ADGRA2: variants seen among roughly 807,000 people sequenced by gnomAD.
ADGRA2 encodes the protein G-protein coupled receptor 124.
ADGRA2 carries 61 observed loss-of-function variants against 98.7 expected under a neutral mutation model. The observed-to-expected ratio is 0.62, with a 90% confidence interval of 0.50 to 0.76. ADGRA2 has a LOEUF of 0.76. Among genes scored for constraint, ADGRA2 ranks in the 30% least tolerant of loss-of-function variants. The pLI, the probability that ADGRA2 is intolerant of heterozygous loss-of-function variation, is 0.00. For synonymous variants in ADGRA2, 858 were observed against 831.5 expected, an observed-to-expected ratio of 1.03 and a Z score of -0.55; for missense variants, 1,712 against 1,860.0, an observed-to-expected ratio of 0.92 and a Z score of 1.46.
chr8:37,825,386 G>T (rs1168321231), intron 2 of ADGRA2, among the ~76,000 whole-genome samples: 1 of 151,892 alleles, frequency 6.6e-6, no homozygotes, highest in Non-Finnish European at 1.5e-5. Context: ...TGGAATTACA[G>T]GCGCCCACCC....
chr8:37,811,473 AC>A (rs1804830781), intron 1 of ADGRA2, among the ~76,000 whole-genome samples: 1 of 122,948 alleles, frequency 8.1e-6, no homozygotes, highest in African/African-American at 3.4e-5. Context: ...CACCCAGCCA[AC>A]TTTTTTTTTT....
rs1371938469 is a variant in ADGRA2, at chr8:37,797,942, C to T, written c.266+408C>T. 6.6e-6 allele frequency among the ~76,000 whole-genome samples: 1 copy of T among 152,226 alleles called. No individual in the cohort carries two copies. The highest frequency in any genetic ancestry group is 1.5e-5 in the Non-Finnish European group (1 of 68,046). ...CGTGGCCCAGGAGGGGGCTGTGGTC[C>T]TAACCACTACGGTCGCGTCCCGGAC... On this transcript the variant is annotated intron_variant, in intron 1 of 18. Coordinates refer to ENST00000412232, the MANE Select transcript of ADGRA2 (RefSeq NM_032777.10). The surrounding 1 kb of genome is among the most constrained non-coding windows in gnomAD (Gnocchi z 5.3).
At chr8:37,808,405 T>C (rs1015136964) in intron 1 of ADGRA2, among the ~76,000 whole-genome samples, 2 of 152,074 alleles carry the variant, frequency 1.3e-5, no homozygotes, top group Non-Finnish European at 2.9e-5. Flanking sequence ...TTGTGGGGGT[T>C]GAAGAGGGCC....
At chr8:37,817,342 TA>T (rs1438033379) in intron 2 of ADGRA2, among the ~76,000 whole-genome samples, 1 of 152,212 alleles carries the variant, frequency 6.6e-6, no homozygotes, top group Non-Finnish European at 1.5e-5. Context: ...TAGGTCCCTC[TA>T]ACCGTCTGCT....
At chr8:37,806,770 T>G (rs957243862) in intron 1 of ADGRA2, among the ~76,000 whole-genome samples, 2 of 152,056 alleles carry the variant, frequency 1.3e-5, no homozygotes, top group Non-Finnish European at 2.9e-5. Context: ...CCTCAAGTGA[T>G]CCATCCACCT....
chr8:37,837,400 C>T (rs1437720707), intron 13 of ADGRA2, among the ~76,000 whole-genome samples: 2 of 151,590 alleles, frequency 1.3e-5, no homozygotes, highest in Non-Finnish European at 2.9e-5. Context: ...CTTCTGTTCC[C>T]TCCATCTGCA....
In ADGRA2 at chr8:37,841,312, C is replaced by T; in HGVS notation, c.2974C>T (p.Leu992Phe). 2 of 1,608,094 alleles carry T rather than the reference C, an allele frequency of 1.2e-6. No homozygotes were observed. Among genetic ancestry groups the T allele is most frequent in the Non-Finnish European group, 1.7e-6 (2 of 1,177,298 alleles). The change falls in exon 19 of 19, where the codon CTT becomes TTT. Residue 992 changes from leucine to phenylalanine, a missense_variant. Coordinates refer to ENST00000412232, the MANE Select transcript of ADGRA2 (RefSeq NM_032777.10). The surrounding 1 kb of genome is among the most constrained non-coding windows in gnomAD (Gnocchi z 5.0). ...SGPLLSDSGS[L>F]LATGSARVGT... ...CCCCCTCCTGAGTGACTCAGGTTCC[C>T]TTCTTGCTACTGGGAGCGCGCGAGT... is the stretch of plus-strand genomic sequence containing the variant.
In ADGRA2 at chr8:37,831,487, G is replaced by A; in HGVS notation, c.997G>A (p.Ala333Thr). ...CGAGTGGGAGTGCACCGTGTCCATG[G>A]CCCAAGGCAACGCCAGCAAGAAGGT... ...SGEWECTVSM[A>T]QGNASKKVEI... The change falls in exon 8 of 19, where the codon GCC (alanine) becomes ACC (threonine). Residue 333 changes from alanine (A) to threonine (T), a missense_variant. Physicochemically the swap from Ala to Thr is moderately conservative, Grantham distance 58. Transcript: ENST00000412232. 6.2e-7 allele frequency: 1 copy of A among 1,613,702 alleles called. No homozygotes were observed. Among genetic ancestry groups the A allele is most frequent in the Non-Finnish European group, 8.5e-7 (1 of 1,180,016 alleles).
In ADGRA2 at chr8:37,834,066, G is replaced by A. The variant is rs758837731; in HGVS notation, c.1546G>A (p.Val516Met). 1.6e-5 allele frequency: 25 copies of A among 1,612,822 alleles called. No individual in the cohort carries two copies. The highest frequency in any genetic ancestry group is 9.3e-5 in the African/African-American group (7 of 74,946). ...QREDKACSRI[V>M]GALERIGGAA... ...CGAGGACAAGGCCTGCAGCCGCATCGTGGGTGCCCTGGAGCGCATTGGGGG... is the reference window on the plus strand; with the variant it reads ...CGAGGACAAGGCCTGCAGCCGCATCATGGGTGCCCTGGAGCGCATTGGGGG... Residue 516 changes from valine (V) to methionine (M), a missense_variant, in exon 11 of 19, where the codon GTG becomes ATG. Physicochemically the swap from Val to Met is conservative, Grantham distance 21. Coordinates refer to ENST00000412232, the MANE Select transcript of ADGRA2 (RefSeq NM_032777.10). The surrounding 1 kb of genome is among the most constrained non-coding windows in gnomAD (Gnocchi z 4.2).
rs1379802397 is a variant in ADGRA2 at position 37,841,486 on chromosome 8, T to C, written c.3148T>C (p.Cys1050Arg). 1.2e-6 allele frequency: 2 copies of C among 1,612,956 alleles called. No homozygotes were observed. Among genetic ancestry groups the C allele is most frequent in the Non-Finnish European group, 1.7e-6 (2 of 1,179,838 alleles). The change falls in exon 19 of 19, where the codon TGC (cysteine) becomes CGC (arginine). Residue 1050 changes from cysteine to arginine, a missense_variant. Transcript: ENST00000412232. This position sits in a 1 kb window ranked among gnomAD's most constrained non-coding sequence, Gnocchi z 5.0. ...VSQRWLPRVV[C>R]SCLYGVAASA... ...CCAGCGCTGGCTGCCCCGGGTGGTG[T>C]GCAGCTGCTTGTACGGGGTGGCAGC...
intron 1 of ADGRA2, among the ~76,000 whole-genome samples, chr8:37,810,282 G>A (rs758811059): frequency 1.6e-4 from 24 of 151,670 alleles, no homozygotes; most frequent in Admixed American, 1.1e-3. Flanking sequence ...AAGATGAGGC[G>A]GGCGGATCAT....
chr8:37,840,048 C>T (rs1316623479), intron 16 of ADGRA2, 73 bp from the exon 17 acceptor site: 12 of 1,380,848 alleles, frequency 8.7e-6, no homozygotes, highest in Non-Finnish European at 1.2e-5. Context: ...GGGAGGACAC[C>T]AGCAGGACTG....
chr8:37,833,664 C>T lies in ADGRA2; in HGVS notation c.1297-24C>T, dbSNP rs200176558. ...GGGCAGAAGGAACAGGCGAGATGAT[C>T]CTCTCTCTTCCCCCAATCCCCAGAT... On this transcript the variant is annotated intron_variant, in intron 9 of 18. Coordinates refer to ENST00000412232, the MANE Select transcript of ADGRA2 (RefSeq NM_032777.10). 4 of 1,611,798 alleles carry T rather than the reference C, an allele frequency of 2.5e-6. No homozygotes were observed. The African/African-American group carries it at 5.3e-5, about 22-fold the overall frequency.
At chr8:37,811,130 A>T (rs1311918076) in intron 1 of ADGRA2, among the ~76,000 whole-genome samples, 1 of 148,030 alleles carries the variant, frequency 6.8e-6, no homozygotes, top group Non-Finnish European at 1.5e-5. Flanking sequence ...AAAAAAAAAA[A>T]AAAAAAAAAA....
Position 37,830,860 on chromosome 8 carries a change from G to GTGA in ADGRA2, c.873_875dup (p.Asp291dup). ...TACCACAACCGAGCCCCTGTGGAGG[G>GTGA]TGATGAGCAGGCGGGCATCCTCCTG... On this transcript the variant is annotated inframe_insertion, in exon 7 of 19. Transcript: ENST00000412232. This position sits in a 1 kb window ranked among gnomAD's most constrained non-coding sequence, Gnocchi z 4.8. 1 of 1,594,986 alleles carries GTGA rather than the reference G, an allele frequency of 6.3e-7. No individual in the cohort carries two copies. Among genetic ancestry groups the GTGA allele is most frequent in the Non-Finnish European group, 8.5e-7 (1 of 1,170,922 alleles).
intron 1 of ADGRA2, among the ~76,000 whole-genome samples, chr8:37,809,083 A>C (rs1452061732): frequency 6.6e-6 from 1 of 152,098 alleles, no homozygotes; most frequent in Non-Finnish European, 1.5e-5. Context: ...TTGGCCTCCC[A>C]AAAAGCTGGG....
At chr8:37,838,399 G>A (rs534028366) in intron 14 of ADGRA2, among the ~76,000 whole-genome samples, 179 of 152,122 alleles carry the variant, frequency 1.2e-3, no homozygotes, top group African/African-American at 4.2e-3. Context: ...TTACAGGCGT[G>A]TGCCACCATG....
Position 37,814,904 on chromosome 8 carries a change from G to C in ADGRA2, c.275G>C (p.Ser92Thr). The change falls in exon 2 of 19, where the codon AGC (serine) becomes ACC (threonine). Residue 92 changes from serine to threonine, a missense_variant. By Grantham distance (58) the Ser-to-Thr change is moderately conservative. Transcript: ENST00000412232. This position sits in a 1 kb window ranked among gnomAD's most constrained non-coding sequence, Gnocchi z 4.3. Reference protein sequence around the residue: ...LPNGTVTLLLSNNKITGLRNG... With the variant: ...LPNGTVTLLLTNNKITGLRNG... ...CCTCTCTGTCTCTTCAGGCTCTTGAGCAATAACAAGATCACGGGGCTCCGC... is the reference window on the plus strand; with the variant it reads ...CCTCTCTGTCTCTTCAGGCTCTTGACCAATAACAAGATCACGGGGCTCCGC... 2 of 1,611,564 alleles carry C rather than the reference G, an allele frequency of 1.2e-6. No homozygotes were observed. The highest frequency in any genetic ancestry group is 1.7e-6 in the Non-Finnish European group (2 of 1,177,634).
At chr8:37,822,359 C>T (rs868236758) in intron 2 of ADGRA2, among the ~76,000 whole-genome samples, 8 of 151,000 alleles carry the variant, frequency 5.3e-5, no homozygotes, top group African/African-American at 1.2e-4. Context: ...TGACTCTCTG[C>T]GGCCCCACCC....
Sources: allele counts gnomAD v4.1 joint callset (sites outside exome capture counted in the v4.1 genomes callset), GRCh38; gene constraint gnomAD v4.1.1; non-coding constraint Gnocchi (gnomAD v3.1); transcripts MANE v1.5; gene names NCBI Gene and HGNC (gene_info 2026-07-23, HGNC 2026-07-21).